The following INPP4B variants were observed in gnomAD, a reference collection of about 807,000 sequenced individuals.
The protein encoded by INPP4B is inositol polyphosphate-4-phosphatase type II B.
INPP4B carries 55 observed loss-of-function variants against 122.5 expected under a neutral mutation model. The ratio of observed to expected loss-of-function variants is 0.45; its 90% CI spans 0.36 to 0.56. The LOEUF (loss-of-function observed/expected upper bound fraction) is 0.56, where lower values mean the gene tolerates loss of function less well. Among genes scored for constraint, INPP4B ranks in the 20% least tolerant of loss-of-function variants. The pLI, the probability that INPP4B is intolerant of heterozygous loss-of-function variation, is 0.00. For synonymous variants in INPP4B, 403 were observed against 388.7 expected (o/e 1.04, Z -0.43); for missense variants, 1,000 against 1,097.7 (o/e 0.91, Z 1.26).
At chr4:142,107,650 T>C (rs376056083) in intron 23 of INPP4B, among the ~76,000 whole-genome samples, 1 of 152,192 alleles carries the variant, frequency 6.6e-6, no homozygotes, top group Non-Finnish European at 1.5e-5. Context: ...CTCATTCACA[T>C]TGACTTAATA....
intron 2 of INPP4B, among the ~76,000 whole-genome samples, chr4:142,501,130 A>G (rs1823319825): frequency 6.6e-6 from 1 of 152,224 alleles, no homozygotes; most frequent in Non-Finnish European, 1.5e-5. Context: ...AGCATCAATT[A>G]GTAAACACAG....
intron 2 of INPP4B, among the ~76,000 whole-genome samples, chr4:142,532,196 T>C (rs1827694081): frequency 6.6e-6 from 1 of 152,184 alleles, no homozygotes; most frequent in Non-Finnish European, 1.5e-5. Context: ...CCTAAGATAA[T>C]GAAAAAACCA....
intron 10 of INPP4B, among the ~76,000 whole-genome samples, chr4:142,261,490 A>T (rs892743989): frequency 1.3e-5 from 2 of 152,180 alleles, no homozygotes; most frequent in African/African-American, 4.8e-5. Context: ...GAAAGCAAAC[A>T]TACACACAAA....
At chr4:142,575,640 T>C (rs909489490) in intron 2 of INPP4B, among the ~76,000 whole-genome samples, 1 of 151,820 alleles carries the variant, frequency 6.6e-6, no homozygotes, top group Non-Finnish European at 1.5e-5. Context: ...ATGAGATGAG[T>C]GTAAAGTGCT....
In INPP4B at chr4:142,431,238, C is replaced by A; in HGVS notation, c.22G>T (p.Ala8Ser). The part of the protein sequence containing the change: MEIKEEG[A>S]SEEGQHFLPT... ...AGAAAGTGCTGCCCTTCTTCTGATG[C>A]CCCTTCCTCTTTAATTTCCATGATC... The change falls in exon 4 of 26, where the codon GCA (alanine) becomes TCA (serine). Residue 8 changes from alanine (A) to serine (S), a missense_variant. Physicochemically the swap from Ala to Ser is moderately conservative, Grantham distance 99 (BLOSUM62 1). Coordinates refer to ENST00000262992, the MANE Select transcript of INPP4B (RefSeq NM_001101669.3). 4 of 1,613,102 alleles carry A rather than the reference C, an allele frequency of 2.5e-6. No homozygotes were observed. Among genetic ancestry groups the A allele is most frequent in the Non-Finnish European group, 3.4e-6 (4 of 1,179,232 alleles).
At chr4:142,479,771 G>T (rs1347681425) in intron 2 of INPP4B, among the ~76,000 whole-genome samples, 1 of 152,060 alleles carries the variant, frequency 6.6e-6, no homozygotes, top group African/African-American at 2.4e-5. Flanking sequence ...AGTACACGTG[G>T]ACACAAAGAA....
At chr4:142,399,877 CT>C (rs1432159517) in intron 7 of INPP4B, among the ~76,000 whole-genome samples, 5 of 152,060 alleles carry the variant, frequency 3.3e-5, no homozygotes, top group Non-Finnish European at 7.3e-5. Flanking sequence ...GCTAAGCATT[CT>C]GTATCCGTCT....
intron 2 of INPP4B, among the ~76,000 whole-genome samples, chr4:142,486,814 C>T (rs780998237): frequency 5.3e-5 from 8 of 152,040 alleles, no homozygotes; most frequent in Non-Finnish European, 8.8e-5. Flanking sequence ...ATAGGTTTAT[C>T]CAGTTGTTCT....
At chr4:142,759,226 A>C (rs1246401679) in intron 1 of INPP4B, among the ~76,000 whole-genome samples, 2 of 152,288 alleles carry the variant, frequency 1.3e-5, no homozygotes, top group South Asian at 4.1e-4. Context: ...CCTTAATGAC[A>C]TCTCAGAGAA....
chr4:142,659,810 C>A (rs540051999), intron 2 of INPP4B, among the ~76,000 whole-genome samples: 2 of 152,242 alleles, frequency 1.3e-5, no homozygotes, highest in East Asian at 3.9e-4. Flanking sequence ...TTTCCTCTCC[C>A]TTGTTGGAGG....
intron 2 of INPP4B, among the ~76,000 whole-genome samples, chr4:142,629,797 C>G (rs1249615468): frequency 1.3e-5 from 2 of 152,028 alleles, no homozygotes; most frequent in African/African-American, 4.8e-5. Context: ...GTTATTCTTG[C>G]CCTCTGCCCA....
In INPP4B at chr4:142,512,803, T is replaced by G. The variant is rs189013324; in HGVS notation, c.-190-50077A>C. Among the ~76,000 whole-genome samples the G allele has an allele frequency of 5.8e-4, 88 of 152,280 alleles. 1 individual carries two copies. Among genetic ancestry groups the G allele is most frequent in the Admixed American group, 5.8e-3 (88 of 15,280 alleles). On this transcript the variant is annotated intron_variant, in intron 2 of 25. Transcript: ENST00000262992. ...ATTGTTGATCTATTTCAAACTTTTT[T>G]TAGTTCCTGATTATTTTACATTTTC...
At chr4:142,613,338 T>C (rs1742983204) in intron 2 of INPP4B, among the ~76,000 whole-genome samples, 1 of 152,222 alleles carries the variant, frequency 6.6e-6, no homozygotes, top group Non-Finnish European at 1.5e-5. Flanking sequence ...AGGTATATAT[T>C]AATATGAAGA....
At chr4:142,313,635 G>T (rs1342605548) in intron 8 of INPP4B, among the ~76,000 whole-genome samples, 1 of 152,162 alleles carries the variant, frequency 6.6e-6, no homozygotes, top group Non-Finnish European at 1.5e-5. Flanking sequence ...ACTGGAGGAA[G>T]TAAATGAAGG....
intron 2 of INPP4B, among the ~76,000 whole-genome samples, chr4:142,648,392 G>T (rs1752252388): frequency 6.6e-6 from 1 of 152,184 alleles, no homozygotes; most frequent in Non-Finnish European, 1.5e-5. Flanking sequence ...AGCACAAGGG[G>T]TTGGGGTATT....
chr4:142,028,220 T>C lies in INPP4B; in HGVS notation c.*562A>G, dbSNP rs1389971398. The stretch of plus-strand genomic sequence containing the variant: ...AGGGAGGAGTCACACCTTGACTGGA[T>C]GATAGAGATCATTGTGGAACATACC... On this transcript the variant is annotated 3_prime_UTR_variant, in exon 26 of 26. Coordinates refer to ENST00000262992, the MANE Select transcript of INPP4B (RefSeq NM_001101669.3). 8.8e-6 allele frequency: 2 copies of C among 228,262 alleles called. No individual in the cohort carries two copies. Among genetic ancestry groups the C allele is most frequent in the African/African-American group, 2.2e-5 (1 of 45,100 alleles). The allele number at this position is 228,262 out of a possible 1,614,324, so 14.1% of individuals were successfully genotyped here.
chr4:142,353,003 G>A (rs1782394896), intron 7 of INPP4B, among the ~76,000 whole-genome samples: 1 of 151,914 alleles, frequency 6.6e-6, no homozygotes. Context: ...TGACTTTAGA[G>A]ATTATCTGTA....
chr4:142,268,349 A>AAAAAGG (rs1579529886), intron 10 of INPP4B, among the ~76,000 whole-genome samples: 1 of 142,880 alleles, frequency 7.0e-6, no homozygotes, highest in Non-Finnish European at 1.5e-5. Flanking sequence ...AAAAAAAATG[A>AAAAAGG]GGGGTAAGTA....
At chr4:142,384,484 T>C (rs543489742) in intron 7 of INPP4B, among the ~76,000 whole-genome samples, 18 of 152,178 alleles carry the variant, frequency 1.2e-4, no homozygotes, top group African/African-American at 4.1e-4. Flanking sequence ...CTGCAGGCAA[T>C]TGTAACACAA....
Sources: allele counts gnomAD v4.1 joint callset (sites outside exome capture counted in the v4.1 genomes callset), GRCh38; gene constraint gnomAD v4.1.1; transcripts MANE v1.5; gene names NCBI Gene and HGNC (gene_info 2026-07-23, HGNC 2026-07-21).